The following EMSY variants were observed in gnomAD, a reference collection of about 807,000 sequenced individuals.
The protein encoded by EMSY is BRCA2-interacting transcriptional repressor EMSY.
A neutral mutation model predicts 134.6 loss-of-function variants in EMSY; 26 were observed. The ratio of observed to expected loss-of-function variants is 0.19; its 90% confidence interval spans 0.14 to 0.27. The LOEUF (loss-of-function observed/expected upper bound fraction) is 0.27. Ranked by LOEUF, EMSY falls within the 10% of genes least tolerant of loss-of-function variation. The pLI, the probability that EMSY is intolerant of heterozygous loss-of-function variation, is 1.00. For missense variants in EMSY, 1,305 were observed against 1,611.4 expected (o/e 0.81, Z 3.26); for synonymous variants, 579 against 577.8 (o/e 1.00, Z -0.03).
At chr11:76,549,186 A>G (rs1216272130) in intron 20 of EMSY, among the ~76,000 whole-genome samples, 1 of 152,222 alleles carries the variant, frequency 6.6e-6, no homozygotes, top group Non-Finnish European at 1.5e-5. Flanking sequence ...CAACCATGCC[A>G]TGATTTGGAG....
At chr11:76,509,962 G>C (rs1950215592) in intron 9 of EMSY, among the ~76,000 whole-genome samples, 1 of 152,232 alleles carries the variant, frequency 6.6e-6, no homozygotes, top group Non-Finnish European at 1.5e-5. Context: ...GGGATTCTGA[G>C]ATGGGAGAAT....
intron 8 of EMSY, among the ~76,000 whole-genome samples, chr11:76,483,194 G>T (rs1949048962): frequency 1.3e-5 from 2 of 152,146 alleles, no homozygotes; most frequent in Admixed American, 6.5e-5. Flanking sequence ...TCACAGACAA[G>T]CAAATGCTGA....
At chr11:76,504,022 G>C (rs1198503791) in intron 9 of EMSY, among the ~76,000 whole-genome samples, 2 of 151,278 alleles carry the variant, frequency 1.3e-5, no homozygotes, top group Non-Finnish European at 2.9e-5. Context: ...CTGACTTCAA[G>C]TGATCCACCT....
chr11:76,469,361 C>A (rs1274126300), intron 7 of EMSY, among the ~76,000 whole-genome samples: 1 of 152,166 alleles, frequency 6.6e-6, no homozygotes, highest in African/African-American at 2.4e-5. Flanking sequence ...TAGTTCAGAA[C>A]TGGCAAAAGT....
chr11:76,482,029 G>C (rs1486045764), intron 8 of EMSY, among the ~76,000 whole-genome samples: 1 of 152,140 alleles, frequency 6.6e-6, no homozygotes, highest in Non-Finnish European at 1.5e-5. Context: ...TGCCCCTCTG[G>C]GACAAAGCCT....
At chr11:76,528,141 T>C in intron 13 of EMSY, 127 bp from the exon 15 acceptor site, 1 of 772,682 alleles carries the variant, frequency 1.3e-6, no homozygotes, top group Non-Finnish European at 2.1e-6. Context: ...AGCAATGCTG[T>C]GCCTAAAAAG....
At chr11:76,462,330 A>G (rs1370509024) in intron 6 of EMSY, among the ~76,000 whole-genome samples, 1 of 152,242 alleles carries the variant, frequency 6.6e-6, no homozygotes, top group Non-Finnish European at 1.5e-5. Context: ...TTTAAGTAAC[A>G]GGAAGATTAT....
At chr11:76,458,613 C>G (rs1222372931) in intron 5 of EMSY, 1 of 294,038 alleles carries the variant, frequency 3.4e-6, no homozygotes, top group Non-Finnish European at 6.3e-6. Context: ...TTTTTGATAT[C>G]AGTGTGTCTT....
intron 8 of EMSY, among the ~76,000 whole-genome samples, chr11:76,481,981 C>T (rs1049171551): frequency 8.5e-5 from 13 of 152,200 alleles, no homozygotes; most frequent in Admixed American, 1.3e-4. Flanking sequence ...GGTTGATAGA[C>T]ACCTCATACA....
intron 10 of EMSY, among the ~76,000 whole-genome samples, chr11:76,515,494 A>G (rs561620473): frequency 2.0e-5 from 3 of 152,316 alleles, no homozygotes; most frequent in South Asian, 2.1e-4. Context: ...ATGAAGAAAA[A>G]TAGTCTAACA....
intron 11 of EMSY, among the ~76,000 whole-genome samples, chr11:76,522,817 G>A (rs1197174530): frequency 1.3e-5 from 2 of 152,102 alleles, no homozygotes; most frequent in African/African-American, 2.4e-5. Context: ...GGGTTTGGGG[G>A]AAATACATGT....
At chr11:76,482,849 C>T (rs978918222) in intron 8 of EMSY, among the ~76,000 whole-genome samples, 1 of 152,292 alleles carries the variant, frequency 6.6e-6, no homozygotes, top group African/African-American at 2.4e-5. Context: ...TCCAGGAGAA[C>T]TTCCCCAACC....
intron 14 of EMSY, among the ~76,000 whole-genome samples, chr11:76,531,686 A>T (rs1425961333): frequency 6.6e-6 from 1 of 152,204 alleles, no homozygotes; most frequent in Non-Finnish European, 1.5e-5. Context: ...AAGGTACATG[A>T]TATAAATATC....
chr11:76,457,957 A>G (rs1404079696), intron 4 of EMSY, among the ~76,000 whole-genome samples: 1 of 152,212 alleles, frequency 6.6e-6, no homozygotes, highest in East Asian at 1.9e-4. Flanking sequence ...AGTTATGTTC[A>G]TGATAAGATT....
intron 2 of EMSY, among the ~76,000 whole-genome samples, chr11:76,448,581 C>G (rs1947517764): frequency 6.6e-6 from 1 of 151,628 alleles, no homozygotes; most frequent in Admixed American, 6.6e-5. Flanking sequence ...CTAATTTAAT[C>G]AGAGCTGTGT....
chr11:76,523,030 T>A (rs1361253498), intron 11 of EMSY, 125 bp from the exon 13 acceptor site: 1 of 931,280 alleles, frequency 1.1e-6, no homozygotes, highest in Non-Finnish European at 1.6e-6. Context: ...TTCATCATCT[T>A]GACAGCTTTC....
At chr11:76,454,403 A>G (rs950172885) in intron 4 of EMSY, among the ~76,000 whole-genome samples, 6 of 152,192 alleles carry the variant, frequency 3.9e-5, no homozygotes, top group Middle Eastern at 3.4e-3. Context: ...GGAATTTTCT[A>G]TTAGAGATGT....
intron 9 of EMSY, among the ~76,000 whole-genome samples, 180 bp from the exon 11 acceptor site, chr11:76,513,206 A>C (rs1565334278): frequency 1.3e-5 from 2 of 152,156 alleles, no homozygotes; most frequent in Non-Finnish European, 2.9e-5. Flanking sequence ...CTGAAATGAG[A>C]AATAAACTAA....
chr11:76,515,210 G>GC (rs1950409006), intron 10 of EMSY, among the ~76,000 whole-genome samples: 1 of 150,908 alleles, frequency 6.6e-6, no homozygotes, highest in South Asian at 2.1e-4. Context: ...TTTTTTTGGG[G>GC]GGGGGGAGGA....
Sources: gnomAD v4.1 joint callset for allele counts (sites outside exome capture counted in the v4.1 genomes callset) on GRCh38, gnomAD v4.1.1 for gene constraint, MANE v1.5 for transcripts, NCBI Gene and HGNC (gene_info 2026-07-23, HGNC 2026-07-21) for gene names.